Variants in PPP1R26 observed in about 807,000 individuals in gnomAD.
PPP1R26 encodes the protein 1A6/DRIM (down-regulated in metastasis) interacting protein.
PPP1R26 carries 22 observed loss-of-function variants against 67.6 expected under a neutral mutation model. The ratio of observed to expected loss-of-function variants is 0.33; its 90% CI spans 0.23 to 0.46. The LOEUF (loss-of-function observed/expected upper bound fraction) is 0.46. Ranked by LOEUF, PPP1R26 falls within the 20% of genes least tolerant of loss-of-function variation. The pLI, the probability that PPP1R26 is intolerant of heterozygous loss-of-function variation, is 1.00. For synonymous variants in PPP1R26, 729 were observed against 717.2 expected, an observed-to-expected ratio of 1.02 and a Z score of -0.26; for missense variants, 1,602 against 1,651.4, an observed-to-expected ratio of 0.97 and a Z score of 0.52.
chr9:135,488,881 CTT>C lies in PPP1R26; in HGVS notation c.*745_*746del, dbSNP rs1830868225. The C allele has an allele frequency of 6.0e-6, 1 of 166,538 alleles. No homozygotes were observed. Among genetic ancestry groups the C allele is most frequent in the South Asian group, 2.1e-4 (1 of 4,828 alleles). The allele number at this position is 166,538 out of a possible 1,614,324, so 10.3% of individuals were successfully genotyped here. ...ATGATTCTAACATCGAAATAAACCT[CTT>C]TTTATATGGCGTTACTGTTCTTTTT... On this transcript the variant is annotated 3_prime_UTR_variant, in exon 4 of 4. Coordinates refer to ENST00000356818, the MANE Select transcript of PPP1R26 (RefSeq NM_014811.5).
intron 2 of PPP1R26, chr9:135,483,361 G>C (rs1163732649): frequency 3.3e-5 from 5 of 152,206 alleles, no homozygotes; most frequent in Admixed American, 3.3e-4. Flanking sequence ...GGAAGGAAGC[G>C]CCTGGTTAAC....
chr9:135,485,578 G>A lies in PPP1R26; in HGVS notation c.1068G>A (p.Ala356=), dbSNP rs201948964. The change falls in exon 4 of 4, where the codon GCG becomes GCA. Residue 356 remains alanine (A), a synonymous_variant. Coordinates refer to ENST00000356818, the MANE Select transcript of PPP1R26 (RefSeq NM_014811.5). The surrounding 1 kb of genome is among the most constrained non-coding windows in gnomAD (Gnocchi z 7.2). Reference sequence around the variant, plus strand: ...AGCGAGTCATGAGTGCGGCACAGGCGTCCGAGGCGTCCGACTCCAGCAGCG... The same window carrying A: ...AGCGAGTCATGAGTGCGGCACAGGCATCCGAGGCGTCCGACTCCAGCAGCG... ...RGKRVMSAAQ[A]SEASDSSSDD... 4.4e-5 allele frequency: 71 copies of A among 1,613,122 alleles called. No homozygotes were observed. The highest frequency in any genetic ancestry group is 6.7e-5 in the East Asian group (3 of 44,870).
At chr9:135,484,135 G>A (rs2119267712) in intron 3 of PPP1R26, 53 bp downstream of exon 3, 1 of 416,746 alleles carries the variant, frequency 2.4e-6, no homozygotes, top group Non-Finnish European at 4.2e-6. Flanking sequence ...GGAGTGAGAA[G>A]GGAAGAGCGG....
chr9:135,485,733 G>T lies in PPP1R26; in HGVS notation c.1223G>T (p.Ser408Ile). 6.2e-7 allele frequency: 1 copy of T among 1,610,392 alleles called. No homozygotes were observed. ...CCTGACCCTCCCGCACACAGCACAA[G>T]CAGTGCCACAAAAAGTGCCTTGCCC... ...RAPDPPAHST[S>I]SATKSALPET... The change falls in exon 4 of 4, where the codon AGC (serine) becomes ATC (isoleucine). Residue 408 changes from serine to isoleucine, a missense_variant. This residue lies in a region of PPP1R26 where 680 missense variants were observed against 726.1 expected (regional missense o/e 0.94). Coordinates refer to ENST00000356818, the MANE Select transcript of PPP1R26 (RefSeq NM_014811.5). The surrounding 1 kb of genome is among the most constrained non-coding windows in gnomAD (Gnocchi z 7.2).
Position 135,487,998 on chromosome 9 carries a change from C to T in PPP1R26, c.3488C>T (p.Ser1163Leu), listed in dbSNP as rs374451433. Residue 1163 changes from serine to leucine, a missense_variant, in exon 4 of 4, where the codon TCG (serine) becomes TTG (leucine). Ser to Leu is a moderately radical substitution (Grantham distance 145). Transcript: ENST00000356818. ...LSLHDRRSSG[S>L]EESILDLRYR... ...TTGCATGACAGGAGGAGCTCGGGCTCGGAGGAAAGCATTTTAGACCTGAGG... is the reference window on the plus strand; with the variant it reads ...TTGCATGACAGGAGGAGCTCGGGCTTGGAGGAAAGCATTTTAGACCTGAGG... 46 of 1,610,876 alleles carry T rather than the reference C, an allele frequency of 2.9e-5. No homozygotes were observed. In the African/African-American group the frequency reaches 4.8e-4, roughly 17 times the overall value.
rs557330011 is a variant in PPP1R26, at chr9:135,486,313, T to C, written c.1803T>C (p.His601=). ...GCKRKRRGGG[H]VRPSTPKKMQ... is the part of the protein sequence containing the mutation. Reference sequence around the variant, plus strand: ...AAAGGAAGCGTAGAGGTGGTGGCCATGTGAGGCCATCCACGCCCAAGAAAA... The same window carrying C: ...AAAGGAAGCGTAGAGGTGGTGGCCACGTGAGGCCATCCACGCCCAAGAAAA... Residue 601 remains histidine (H), a synonymous_variant, in exon 4 of 4, where the codon CAT becomes CAC. Coordinates refer to ENST00000356818, the MANE Select transcript of PPP1R26 (RefSeq NM_014811.5). The surrounding 1 kb of genome is among the most constrained non-coding windows in gnomAD (Gnocchi z 6.2). 2.5e-6 allele frequency: 4 copies of C among 1,612,836 alleles called. No homozygotes were observed. Among genetic ancestry groups the C allele is most frequent in the East Asian group, 2.2e-5 (1 of 44,838 alleles).
Position 135,486,861 on chromosome 9 carries a change from G to A in PPP1R26, c.2351G>A (p.Gly784Asp). ...ACGGCAGAGAGGATGAGGCAGGAGG[G>A]TGCCGCGAGCCAGGACGCGGCCCTG... is the stretch of plus-strand genomic sequence containing the variant. The part of the protein sequence containing the change: ...GSTAERMRQE[G>D]AASQDAALAF... The change falls in exon 4 of 4, where the codon GGT (glycine) becomes GAT (aspartate). Residue 784 changes from glycine (G) to aspartate (D), a missense_variant. Around this residue, in one of 5 missense-constraint regions of PPP1R26, gnomAD observed 740 missense variants for 696.3 expected, o/e 1.06. Coordinates refer to ENST00000356818, the MANE Select transcript of PPP1R26 (RefSeq NM_014811.5). This position sits in a 1 kb window ranked among gnomAD's most constrained non-coding sequence, Gnocchi z 6.2. 1 of 1,611,604 alleles carries A rather than the reference G, an allele frequency of 6.2e-7. No individual in the cohort carries two copies. The highest frequency in any genetic ancestry group is 8.5e-7 in the Non-Finnish European group (1 of 1,179,500).
In PPP1R26 at chr9:135,485,003, G is replaced by T; in HGVS notation, c.493G>T (p.Ala165Ser). The T allele has an allele frequency of 6.3e-7, 1 of 1,586,036 alleles. No individual in the cohort carries two copies. The highest frequency in any genetic ancestry group is 8.6e-7 in the Non-Finnish European group (1 of 1,167,138). The change falls in exon 4 of 4, where the codon GCC (alanine) becomes TCC (serine). Residue 165 changes from alanine (A) to serine (S), a missense_variant. Coordinates refer to ENST00000356818, the MANE Select transcript of PPP1R26 (RefSeq NM_014811.5). The surrounding 1 kb of genome is among the most constrained non-coding windows in gnomAD (Gnocchi z 7.2). Reference sequence around the variant, plus strand: ...GCCAGGTGCAGCCCAGCCTTCCAGGGCCGCAGGCGGAGGCAGTAGATGTAA... The same window carrying T: ...GCCAGGTGCAGCCCAGCCTTCCAGGTCCGCAGGCGGAGGCAGTAGATGTAA... ...AQPGAAQPSR[A>S]AGGGSRCKPE...
Position 135,487,826 on chromosome 9 carries a change from C to G in PPP1R26, c.3316C>G (p.His1106Asp), listed in dbSNP as rs748982509. Residue 1106 changes from histidine (H) to aspartate (D), a missense_variant, in exon 4 of 4, where the codon CAC becomes GAC. Coordinates refer to ENST00000356818, the MANE Select transcript of PPP1R26 (RefSeq NM_014811.5). The stretch of plus-strand genomic sequence containing the variant: ...CAGGCAGGCTGGCCTCTTCAGCCCC[C>G]ACCTGGGGCTGCCTCTGCAGGGCCC... ...GGRQAGLFSP[H>D]LGLPLQGPSF... is the part of the protein sequence containing the mutation. 1.3e-5 allele frequency: 21 copies of G among 1,593,486 alleles called. No homozygotes were observed. The highest frequency in any genetic ancestry group is 1.6e-5 in the Non-Finnish European group (19 of 1,172,220).
Position 135,485,659 on chromosome 9 carries a change from G to A in PPP1R26, c.1149G>A (p.Glu383=). The change falls in exon 4 of 4, where the codon GAG becomes GAA. Residue 383 remains glutamate (E), a synonymous_variant. Coordinates refer to ENST00000356818, the MANE Select transcript of PPP1R26 (RefSeq NM_014811.5). This position sits in a 1 kb window ranked among gnomAD's most constrained non-coding sequence, Gnocchi z 7.2. The stretch of plus-strand genomic sequence containing the variant: ...ACCAGCTGCAGAAAACACGCAAGGA[G>A]GCCGACGGGGACCTGCCCCAGAGGG... ...QLYQLQKTRK[E]ADGDLPQRVQ... 6.2e-7 allele frequency: 1 copy of A among 1,612,234 alleles called. No individual in the cohort carries two copies. The highest frequency in any genetic ancestry group is 8.5e-7 in the Non-Finnish European group (1 of 1,180,026).
At position 135,486,356 on chromosome 9, in the gene PPP1R26, G is replaced by A; in HGVS notation, c.1846G>A (p.Asp616Asn). The change falls in exon 4 of 4, where the codon GAC becomes AAC. Residue 616 changes from aspartate (D) to asparagine (N), a missense_variant. Physicochemically the swap from Asp to Asn is conservative, Grantham distance 23. Around this residue, in one of 5 missense-constraint regions of PPP1R26, gnomAD observed 680 missense variants for 726.1 expected, o/e 0.94. Transcript: ENST00000356818. The surrounding 1 kb of genome is among the most constrained non-coding windows in gnomAD (Gnocchi z 6.2). ...TPKKMQEVVKDGSQDADHSQG... is the reference protein window; with the variant it reads ...TPKKMQEVVKNGSQDADHSQG... ...CAAGAAAATGCAGGAGGTGGTGAAA[G>A]ACGGTAGCCAGGATGCCGACCACAG... 3 of 1,613,176 alleles carry A rather than the reference G, an allele frequency of 1.9e-6. No homozygotes were observed. Among genetic ancestry groups the A allele is most frequent in the Non-Finnish European group, 2.5e-6 (3 of 1,179,978 alleles).
At chr9:135,481,048 G>A (rs1830498133) in intron 1 of PPP1R26, among the ~76,000 whole-genome samples, 1 of 152,092 alleles carries the variant, frequency 6.6e-6, no homozygotes, top group South Asian at 2.1e-4. Flanking sequence ...TTGATGTCTG[G>A]ACCGAGAAGG....
At position 135,484,730 on chromosome 9, in the gene PPP1R26, A is replaced by G. The variant is rs1830646700; in HGVS notation, c.220A>G (p.Arg74Gly). The G allele has an allele frequency of 4.3e-6, 7 of 1,609,258 alleles. No homozygotes were observed. Among genetic ancestry groups the G allele is most frequent in the East Asian group, 2.2e-5 (1 of 44,774 alleles). The part of the protein sequence containing the change: ...SDERAAQRGH[R>G]AEGCHDARPA... ...TGAGCGCGCCGCACAGAGGGGCCAC[A>G]GGGCAGAGGGATGCCACGACGCCAG... The change falls in exon 4 of 4, where the codon AGG (arginine) becomes GGG (glycine). Residue 74 changes from arginine (R) to glycine (G), a missense_variant. By Grantham distance (125) the Arg-to-Gly change is moderately radical. Around this residue, in one of 5 missense-constraint regions of PPP1R26, gnomAD observed 168 missense variants for 176.1 expected, o/e 0.95. Coordinates refer to ENST00000356818, the MANE Select transcript of PPP1R26 (RefSeq NM_014811.5).
chr9:135,481,878 C>A (rs1177264168), intron 1 of PPP1R26, among the ~76,000 whole-genome samples: 1 of 152,204 alleles, frequency 6.6e-6, no homozygotes, highest in Non-Finnish European at 1.5e-5. Context: ...CTCAGCCTCC[C>A]AAAGTGCTGG....
In PPP1R26 at chr9:135,485,593, C is replaced by A. The variant is rs1218689886; in HGVS notation, c.1083C>A (p.Asp361Glu). Residue 361 changes from aspartate to glutamate, a missense_variant, in exon 4 of 4, where the codon GAC becomes GAA. By Grantham distance (45) the Asp-to-Glu change is conservative. Coordinates refer to ENST00000356818, the MANE Select transcript of PPP1R26 (RefSeq NM_014811.5). The surrounding 1 kb of genome is among the most constrained non-coding windows in gnomAD (Gnocchi z 7.2). ...CGGCACAGGCGTCCGAGGCGTCCGACTCCAGCAGCGACGATGGCATTGAGG... is the reference window on the plus strand; with the variant it reads ...CGGCACAGGCGTCCGAGGCGTCCGAATCCAGCAGCGACGATGGCATTGAGG... The part of the protein sequence containing the change: ...MSAAQASEAS[D>E]SSSDDGIEEA... 6.2e-7 allele frequency: 1 copy of A among 1,613,072 alleles called. No individual in the cohort carries two copies. The highest frequency in any genetic ancestry group is 1.1e-5 in the South Asian group (1 of 91,084).
chr9:135,480,522 C>A (rs952029950), intron 1 of PPP1R26: 3 of 152,238 alleles, frequency 2.0e-5, no homozygotes, highest in African/African-American at 7.2e-5. Context: ...CCCGCCGGGC[C>A]GAGGACCAGG....
chr9:135,480,504 C>G (rs1830476122), intron 1 of PPP1R26: 1 of 152,224 alleles, frequency 6.6e-6, no homozygotes, highest in Non-Finnish European at 1.5e-5. Flanking sequence ...CCCTGGGAGG[C>G]GTTCACTCCC....
chr9:135,479,333 G>T (rs1322441515), upstream of PPP1R26, among the ~76,000 whole-genome samples: 5 of 151,870 alleles, frequency 3.3e-5, no homozygotes, highest in Non-Finnish European at 7.4e-5. The surrounding 1 kb of genome is among the most constrained non-coding windows in gnomAD (Gnocchi z 5.9). Flanking sequence ...GAACTTCGGG[G>T]AGGAACTCGG....
intron 2 of PPP1R26, among the ~76,000 whole-genome samples, chr9:135,483,052 T>C (rs2777324): frequency 0.27 from 39,709 of 147,462 alleles, 6,311 homozygotes; most frequent in East Asian, 0.66. Context: ...TGCAGTGGCA[T>C]GATCTCAGCT....
Sources: gnomAD v4.1 joint callset for allele counts (sites outside exome capture counted in the v4.1 genomes callset) on GRCh38, gnomAD v4.1.1 for gene constraint, gnomAD v4.1.1 regional missense constraint, Gnocchi (gnomAD v3.1) non-coding constraint, MANE v1.5 for transcripts, NCBI Gene and HGNC (gene_info 2026-07-23, HGNC 2026-07-21) for gene names.